Variants in TOX2 observed in about 807,000 individuals in gnomAD.
The protein encoded by TOX2 is granulosa cell HMG box 1.
A neutral mutation model predicts 47.4 loss-of-function variants in TOX2; 15 were observed. That is an observed-to-expected ratio of 0.32 (90% CI 0.21 to 0.49). The LOEUF is 0.49. TOX2 is among the 20% of genes least tolerant of loss of function. TOX2 has a pLI of 0.99. For missense variants in TOX2, 622 were observed against 673.1 expected, an observed-to-expected ratio of 0.92 and a Z score of 0.84; for synonymous variants, 290 against 296.6, an observed-to-expected ratio of 0.98 and a Z score of 0.23.
In TOX2 at chr20:44,056,181, G is replaced by A. The variant is rs192639510; in HGVS notation, c.879+1655G>A. On this transcript the variant is annotated intron_variant, in intron 5 of 8. Coordinates refer to ENST00000341197, the MANE Select transcript of TOX2 (RefSeq NM_001098797.2). ...GCATTCCTTCAGAGCTGCTCCAGGGGACATTACTTCTGCAGCACCCCTGGC... is the reference window on the plus strand; with the variant it reads ...GCATTCCTTCAGAGCTGCTCCAGGGAACATTACTTCTGCAGCACCCCTGGC... Among the ~76,000 whole-genome samples, 436 of 152,310 alleles carry A rather than the reference G, an allele frequency of 2.9e-3. 1 individual carries two copies. The highest frequency in any genetic ancestry group is 1.0e-2 in the African/African-American group (414 of 41,556).
intron 1 of TOX2, among the ~76,000 whole-genome samples, chr20:43,925,056 T>C (rs2069150174): frequency 6.6e-6 from 1 of 152,246 alleles, no homozygotes; most frequent in African/African-American, 2.4e-5. Context: ...CGTGGTCTAT[T>C]CTTCTTTTAT....
intron 1 of TOX2, among the ~76,000 whole-genome samples, chr20:43,940,275 G>A (rs2069385310): frequency 1.3e-5 from 2 of 152,070 alleles, no homozygotes; most frequent in South Asian, 4.1e-4. Context: ...AAGTGTAGTG[G>A]CATGATTATA....
In TOX2 at chr20:43,976,769, C is replaced by T. The variant is rs561129151; in HGVS notation, c.165+3337C>T. Among the ~76,000 whole-genome samples, 166 of 139,804 alleles carry T rather than the reference C, an allele frequency of 1.2e-3. 2 individuals carry two copies. The highest frequency in any genetic ancestry group is 2.1e-3 in the Non-Finnish European group (135 of 65,782). The allele number at this position is 139,804 out of a possible 152,430, so 91.7% of individuals were successfully genotyped here. On this transcript the variant is annotated intron_variant, in intron 2 of 8. Transcript: ENST00000341197. ...CCTGGAGTGCTTCTTGAACTCACAA[C>T]GCGAGCGCGCGCGCACACACACACA...
chr20:44,005,322 G>A (rs1233305746), intron 2 of TOX2, among the ~76,000 whole-genome samples: 3 of 152,052 alleles, frequency 2.0e-5, no homozygotes, highest in Admixed American at 6.5e-5. Context: ...CTTTTTGACC[G>A]TCTATGCCAA....
At chr20:43,928,856 C>T (rs562229600) in intron 1 of TOX2, among the ~76,000 whole-genome samples, 83 of 151,936 alleles carry the variant, frequency 5.5e-4, no homozygotes, top group African/African-American at 1.8e-3. Flanking sequence ...TCAGTGGGGC[C>T]GGGCGTGGTG....
intron 2 of TOX2, among the ~76,000 whole-genome samples, chr20:43,993,585 C>T (rs960445046): frequency 3.3e-5 from 5 of 152,110 alleles, no homozygotes; most frequent in East Asian, 1.9e-4. Context: ...CAGTTCTGGA[C>T]GTGTCAAAGA....
chr20:43,958,100 G>A (rs891159907), intron 1 of TOX2, among the ~76,000 whole-genome samples: 3 of 152,138 alleles, frequency 2.0e-5, no homozygotes, highest in African/African-American at 7.2e-5. Flanking sequence ...TCTTTACGTG[G>A]TCTTCCCTCT....
At chr20:43,934,451 A>G (rs2145329615) in intron 1 of TOX2, among the ~76,000 whole-genome samples, 1 of 152,316 alleles carries the variant, frequency 6.6e-6, no homozygotes, top group African/African-American at 2.4e-5. Context: ...CCGGGGTCAC[A>G]GTGGGATTGG....
intron 5 of TOX2, among the ~76,000 whole-genome samples, chr20:44,056,850 T>C (rs11697784): frequency 0.069 from 10,547 of 152,234 alleles, 542 homozygotes; most frequent in African/African-American, 0.15. Context: ...AAAAAAAGTG[T>C]CTATAATTAT....
intron 1 of TOX2, among the ~76,000 whole-genome samples, chr20:43,970,045 A>C (rs897170701): frequency 6.6e-6 from 1 of 152,060 alleles, no homozygotes; most frequent in African/African-American, 2.4e-5. Context: ...TAACACACTT[A>C]TCAAGCACCT....
chr20:44,031,460 T>C (rs986080779), intron 3 of TOX2, among the ~76,000 whole-genome samples: 1 of 152,168 alleles, frequency 6.6e-6, no homozygotes, highest in Admixed American at 6.5e-5. Context: ...TCATTCCATC[T>C]GTTTGTCCCG....
At chr20:44,062,399 T>TG (rs768545588) in intron 5 of TOX2, among the ~76,000 whole-genome samples, 66 of 144,594 alleles carry the variant, frequency 4.6e-4, no homozygotes, top group African/African-American at 1.4e-3. Context: ...AATAAATAAA[T>TG]AAATAAATGA....
At chr20:44,055,515 C>T (rs1354438205) in intron 5 of TOX2, among the ~76,000 whole-genome samples, 1 of 152,174 alleles carries the variant, frequency 6.6e-6, no homozygotes, top group African/African-American at 2.4e-5. Context: ...TAAGAGTACC[C>T]ATGGCAGAGA....
intron 3 of TOX2, among the ~76,000 whole-genome samples, chr20:44,011,748 G>T (rs981366438): frequency 6.6e-6 from 1 of 152,194 alleles, no homozygotes; most frequent in Non-Finnish European, 1.5e-5. Flanking sequence ...CTGGAGAGGC[G>T]GGCAAGGCCA....
At chr20:44,067,153 C>T (rs1349683522) in intron 8 of TOX2, among the ~76,000 whole-genome samples, 1 of 152,140 alleles carries the variant, frequency 6.6e-6, no homozygotes, top group Non-Finnish European at 1.5e-5. Context: ...CAGATGAGTC[C>T]TGCATCTTAG....
At chr20:43,986,774 C>T (rs1186496364) in intron 2 of TOX2, among the ~76,000 whole-genome samples, 4 of 152,102 alleles carry the variant, frequency 2.6e-5, no homozygotes, top group Admixed American at 6.5e-5. Flanking sequence ...CAAATGCCTT[C>T]GTATGTTCAG....
intron 2 of TOX2, among the ~76,000 whole-genome samples, chr20:44,004,250 C>A (rs533989508): frequency 6.6e-6 from 1 of 152,246 alleles, no homozygotes; most frequent in East Asian, 1.9e-4. Context: ...TCGAGAGGCT[C>A]CGCCCTGGAG....
chr20:44,031,800 G>C (rs1292178776), intron 3 of TOX2, among the ~76,000 whole-genome samples: 1 of 152,138 alleles, frequency 6.6e-6, no homozygotes, highest in African/African-American at 2.4e-5. Context: ...AGCAGAAGTG[G>C]AGGGTGAAGG....
At chr20:44,040,448 A>T (rs2071313637) in intron 3 of TOX2, among the ~76,000 whole-genome samples, 1 of 152,146 alleles carries the variant, frequency 6.6e-6, no homozygotes, top group African/African-American at 2.4e-5. Flanking sequence ...GGAGTTGAGG[A>T]TGGAGAAGTG....
Sources: gnomAD v4.1 joint callset for allele counts (sites outside exome capture counted in the v4.1 genomes callset) on GRCh38, gnomAD v4.1.1 for gene constraint, MANE v1.5 for transcripts, NCBI Gene and HGNC (gene_info 2026-07-23, HGNC 2026-07-21) for gene names.